The following ULK4 variants were observed in gnomAD, a reference collection of about 807,000 sequenced individuals.
ULK4 encodes inactive serine/threonine-protein kinase ULK4.
ULK4 carries 133 observed loss-of-function variants against 160.6 expected under a neutral mutation model. The ratio of observed to expected loss-of-function variants is 0.83; its 90% CI spans 0.72 to 0.96. The LOEUF is 0.96. ULK4 is among the 40% of genes least tolerant of loss of function. The pLI is 0.00. For synonymous variants in ULK4, 534 were observed against 539.8 expected (o/e 0.99, Z 0.15); for missense variants, 1,580 against 1,499.5 (o/e 1.05, Z -0.89).
intron 34 of ULK4, among the ~76,000 whole-genome samples, chr3:41,424,190 T>C (rs1478648389): frequency 1.3e-5 from 2 of 151,976 alleles, no homozygotes; most frequent in African/African-American, 2.4e-5. Flanking sequence ...CAGATTGACC[T>C]ATCCTTCCTC....
intron 31 of ULK4, among the ~76,000 whole-genome samples, chr3:41,581,170 C>T (rs1451206414): frequency 6.6e-6 from 1 of 152,120 alleles, no homozygotes; most frequent in Non-Finnish European, 1.5e-5. Flanking sequence ...TATCTTTCTT[C>T]ACTCCCCCAA....
At position 41,246,653 on chromosome 3, in the gene ULK4, T is replaced by C. The variant is rs1221336732; in HGVS notation, c.*276A>G. On this transcript the variant is annotated 3_prime_UTR_variant, in exon 37 of 37. Transcript: ENST00000301831. Reference sequence around the variant, plus strand: ...CAGGCAGTGCTAACCTTAGCCCACCTGGCCCACACAGAGAGGGAAAGAACA... The same window carrying C: ...CAGGCAGTGCTAACCTTAGCCCACCCGGCCCACACAGAGAGGGAAAGAACA... The C allele has an allele frequency of 2.4e-6, 1 of 417,138 alleles. No homozygotes were observed. Among genetic ancestry groups the C allele is most frequent in the South Asian group, 3.8e-5 (1 of 26,240 alleles). The allele number at this position is 417,138 out of a possible 1,614,324, so 25.8% of individuals were successfully genotyped here. A position where few individuals can be genotyped will look rare whatever the true frequency, so the allele number is the denominator to read the frequency against.
At chr3:41,711,527 A>G (rs2037095427) in intron 25 of ULK4, among the ~76,000 whole-genome samples, 2 of 152,378 alleles carry the variant, frequency 1.3e-5, no homozygotes, top group South Asian at 2.1e-4. Flanking sequence ...GTTTTCAAAA[A>G]TACAAGAGTG....
At chr3:41,628,703 G>A (rs9880350) in intron 30 of ULK4, among the ~76,000 whole-genome samples, 66,486 of 151,922 alleles carry the variant, frequency 0.44, 17,614 homozygotes, top group African/African-American at 0.75. Flanking sequence ...TGAAACTGGA[G>A]TATGATCTAC....
intron 30 of ULK4, among the ~76,000 whole-genome samples, chr3:41,643,985 T>C (rs1196459526): frequency 6.6e-6 from 1 of 152,180 alleles, no homozygotes; most frequent in East Asian, 1.9e-4. Context: ...ATGATTTGGC[T>C]CTCTGTTTGT....
intron 16 of ULK4, among the ~76,000 whole-genome samples, chr3:41,887,589 G>A (rs1332059903): frequency 6.6e-6 from 1 of 152,198 alleles, no homozygotes. Context: ...GGAGGCCGAG[G>A]CAGGTGAATC....
intron 30 of ULK4, among the ~76,000 whole-genome samples, chr3:41,647,661 G>A (rs1248632455): frequency 5.3e-5 from 8 of 152,236 alleles, no homozygotes; most frequent in African/African-American, 1.9e-4. Flanking sequence ...ACCCACTTGA[G>A]GAGGCAGTCT....
chr3:41,655,267 T>C lies in ULK4; in HGVS notation c.3071+8340A>G, dbSNP rs567719820. ...CTGGAAACCATCATTCTCAGCAAAC[T>C]ATCGCAAGGACAAAAAACCAAACAC... On this transcript the variant is annotated intron_variant, in intron 30 of 36. Coordinates refer to ENST00000301831, the MANE Select transcript of ULK4 (RefSeq NM_017886.4). Among the ~76,000 whole-genome samples the C allele has an allele frequency of 4.6e-4, 70 of 150,816 alleles. No individual in the cohort carries two copies. The South Asian group carries it at 0.014, about 30-fold the overall frequency.
chr3:41,885,585 T>A (rs1374751331), intron 16 of ULK4, among the ~76,000 whole-genome samples: 2 of 152,204 alleles, frequency 1.3e-5, no homozygotes, highest in Admixed American at 1.3e-4. Context: ...CTGACAGAAA[T>A]GTCCCACATC....
intron 21 of ULK4, among the ~76,000 whole-genome samples, chr3:41,773,801 A>C (rs963703431): frequency 5.3e-5 from 8 of 152,190 alleles, no homozygotes; most frequent in Admixed American, 2.0e-4. Context: ...TGGAGGCATC[A>C]CGCTACCTGA....
intron 27 of ULK4, among the ~76,000 whole-genome samples, chr3:41,686,342 G>T (rs1183388871): frequency 6.6e-6 from 1 of 152,164 alleles, no homozygotes; most frequent in African/African-American, 2.4e-5. Context: ...AGAAAAGCCA[G>T]GGTTTCTTGG....
At chr3:41,833,276 T>G (rs968172325) in intron 18 of ULK4, among the ~76,000 whole-genome samples, 186 of 119,670 alleles carry the variant, frequency 1.6e-3, no homozygotes, top group African/African-American at 0.011. Context: ...CTTAAGTTGT[T>G]TTTTTTTTTG....
chr3:41,600,335 C>A (rs2031976879), intron 31 of ULK4, among the ~76,000 whole-genome samples: 1 of 152,170 alleles, frequency 6.6e-6, no homozygotes, highest in Non-Finnish European at 1.5e-5. Flanking sequence ...GGGCTTTAAT[C>A]AACTAATGAC....
chr3:41,721,255 A>ATTT (rs67078042), intron 22 of ULK4, among the ~76,000 whole-genome samples: 45 of 45,042 alleles, frequency 1.0e-3, no homozygotes, highest in African/African-American at 4.3e-3. Flanking sequence ...TTCGCTTTGA[A>ATTT]TTTTTTTTTT....
intron 27 of ULK4, among the ~76,000 whole-genome samples, chr3:41,691,758 T>C (rs1038675251): frequency 2.6e-5 from 4 of 151,784 alleles, no homozygotes; most frequent in African/African-American, 7.2e-5. Flanking sequence ...TGATTAATCA[T>C]GTTACAGGAT....
At chr3:41,422,803 C>T (rs1392406773) in intron 34 of ULK4, among the ~76,000 whole-genome samples, 2 of 152,078 alleles carry the variant, frequency 1.3e-5, no homozygotes, top group Admixed American at 1.3e-4. Flanking sequence ...AAAATAAAAA[C>T]GTGTTTATAT....
At chr3:41,397,960 T>C in intron 35 of ULK4, 119 bp downstream of exon 35, 1 of 1,166,382 alleles carries the variant, frequency 8.6e-7, no homozygotes, top group Non-Finnish European at 1.2e-6. Context: ...CTGGGAGTTC[T>C]TGACAACTCT....
chr3:41,365,551 A>G (rs970461208), intron 35 of ULK4, among the ~76,000 whole-genome samples: 1 of 152,358 alleles, frequency 6.6e-6, no homozygotes, highest in Non-Finnish European at 1.5e-5. Context: ...CATGCTAAGC[A>G]CTTTGCTTAC....
intron 25 of ULK4, among the ~76,000 whole-genome samples, chr3:41,708,065 G>C (rs1261168997): frequency 6.6e-6 from 1 of 151,640 alleles, no homozygotes; most frequent in Non-Finnish European, 1.5e-5. Flanking sequence ...CTGTCGGTGG[G>C]AATGTAAACT....
Sources: gnomAD v4.1 joint callset for allele counts (sites outside exome capture counted in the v4.1 genomes callset) on GRCh38, gnomAD v4.1.1 for gene constraint, MANE v1.5 for transcripts, NCBI Gene and HGNC (gene_info 2026-07-23, HGNC 2026-07-21) for gene names.